The following TANC1 variants were observed in gnomAD, a reference collection of about 807,000 sequenced individuals.
TANC1 encodes tetratricopeptide repeat, ankyrin repeat and coiled-coil containing 1.
A neutral mutation model predicts 149.7 loss-of-function variants in TANC1; 77 were observed. The ratio of observed to expected loss-of-function variants is 0.51; its 90% CI spans 0.43 to 0.62. TANC1 has a LOEUF of 0.62. TANC1 is among the 20% of genes least tolerant of loss of function. The probability of loss-of-function intolerance (pLI) is 0.00; values close to 1 mark genes in which losing one functional copy is unlikely to be tolerated. For synonymous variants in TANC1, 854 were observed against 925.0 expected, an observed-to-expected ratio of 0.92 and a Z score of 1.39; for missense variants, 1,985 against 2,321.8, an observed-to-expected ratio of 0.85 and a Z score of 2.98.
chr2:159,227,368 T>C (rs1003684199), intron 24 of TANC1: 9 of 156,532 alleles, frequency 5.7e-5, no homozygotes, highest in African/African-American at 1.9e-4. Flanking sequence ...GAAGAAAAAT[T>C]ATTATTCTGC....
At chr2:159,103,039 ATTT>A (rs1248720246) in intron 4 of TANC1, among the ~76,000 whole-genome samples, 1 of 95,414 alleles carries the variant, frequency 1.0e-5, no homozygotes, top group East Asian at 2.3e-4. Context: ...TTTTAAAAAA[ATTT>A]TTAGCATGTT....
chr2:159,168,389 T>C (rs1259644912), intron 8 of TANC1, among the ~76,000 whole-genome samples: 1 of 148,760 alleles, frequency 6.7e-6, no homozygotes, highest in African/African-American at 2.5e-5. Flanking sequence ...AACCTCTGCC[T>C]CCCAGGTTTA....
intron 2 of TANC1, among the ~76,000 whole-genome samples, chr2:159,035,622 T>A (rs1006187612): frequency 6.6e-6 from 1 of 152,206 alleles, no homozygotes; most frequent in African/African-American, 2.4e-5. Context: ...TTGACCTTCC[T>A]TTTTCCTTTC....
intron 9 of TANC1, among the ~76,000 whole-genome samples, 181 bp downstream of exon 9, chr2:159,169,553 C>T (rs1460762420): frequency 1.3e-5 from 2 of 152,068 alleles, no homozygotes; most frequent in Non-Finnish European, 2.9e-5. Flanking sequence ...GGGGCTTCTT[C>T]CTTTAAAATA....
intron 4 of TANC1, among the ~76,000 whole-genome samples, chr2:159,112,308 G>A (rs1327923379): frequency 6.6e-6 from 1 of 152,046 alleles, no homozygotes; most frequent in East Asian, 1.9e-4. Flanking sequence ...GTGCCGTGGT[G>A]TGATCTCATC....
intron 19 of TANC1, among the ~76,000 whole-genome samples, chr2:159,210,731 C>G (rs1477765992): frequency 6.6e-6 from 1 of 152,066 alleles, no homozygotes. Flanking sequence ...TCACGCCCAG[C>G]TAATTTTTGT....
chr2:158,996,400 T>C (rs1275565166), intron 1 of TANC1, among the ~76,000 whole-genome samples: 1 of 152,260 alleles, frequency 6.6e-6, no homozygotes, highest in Admixed American at 6.5e-5. Context: ...TTAACTGTTT[T>C]TCTTTTCACA....
chr2:159,042,671 G>T (rs55940729), intron 2 of TANC1, among the ~76,000 whole-genome samples: 12 of 152,168 alleles, frequency 7.9e-5, no homozygotes, highest in Non-Finnish European at 1.5e-4. Context: ...TTCCGTGGGG[G>T]GTGGTGTGGG....
At chr2:159,168,298 A>ATTTT (rs2054815786) in intron 8 of TANC1, among the ~76,000 whole-genome samples, 1 of 83,450 alleles carries the variant, frequency 1.2e-5, no homozygotes, top group Non-Finnish European at 2.8e-5. Context: ...ATAGATCTTT[A>ATTTT]ATTTTTTTTT....
At position 159,230,347 on chromosome 2, in the gene TANC1, G is replaced by A; in HGVS notation, c.4921G>A (p.Ala1641Thr). Reference protein sequence around the residue: ...LSHSSVAVDAAPPNQGGLATC... With the variant: ...LSHSSVAVDATPPNQGGLATC... ...TCATTCCTCCGTGGCTGTGGACGCA[G>A]CCCCTCCAAACCAAGGTGGGCTGGC... Residue 1641 changes from alanine (A) to threonine (T), a missense_variant, in exon 27 of 27, where the codon GCC becomes ACC. Transcript: ENST00000263635. The surrounding 1 kb of genome is among the most constrained non-coding windows in gnomAD (Gnocchi z 4.4). 6.2e-7 allele frequency: 1 copy of A among 1,614,094 alleles called. No homozygotes were observed. The highest frequency in any genetic ancestry group is 8.5e-7 in the Non-Finnish European group (1 of 1,180,020).
At chr2:159,142,793 A>G (rs11684228) in intron 5 of TANC1, among the ~76,000 whole-genome samples, 36,628 of 151,450 alleles carry the variant, frequency 0.24, 5,415 homozygotes, top group Non-Finnish European at 0.35. Context: ...GCCAGGCACG[A>G]TGGCTGACAC....
At chr2:159,116,592 C>T (rs67674876) in intron 4 of TANC1, among the ~76,000 whole-genome samples, 37,622 of 152,060 alleles carry the variant, frequency 0.25, 5,807 homozygotes, top group Non-Finnish European at 0.36. Context: ...GTCCCTGTTG[C>T]GACTATGTAA....
intron 21 of TANC1, 157 bp from the exon 22 acceptor site, chr2:159,219,535 C>T (rs186466757): frequency 1.6e-6 from 2 of 1,235,220 alleles, no homozygotes; most frequent in Non-Finnish European, 2.3e-6. Flanking sequence ...TCTTCAGCAG[C>T]GATGACCATT....
intron 8 of TANC1, among the ~76,000 whole-genome samples, chr2:159,164,271 G>C (rs190371218): frequency 2.6e-5 from 4 of 152,118 alleles, no homozygotes; most frequent in South Asian, 2.1e-4. Flanking sequence ...GAAAAAAATC[G>C]ATAAAAAATA....
At chr2:159,122,767 T>C (rs1270661481) in intron 4 of TANC1, among the ~76,000 whole-genome samples, 3 of 28,264 alleles carry the variant, frequency 1.1e-4, no homozygotes, top group Non-Finnish European at 4.4e-4. Flanking sequence ...TTTTTTCTTC[T>C]TTTTTTTTTT....
intron 4 of TANC1, among the ~76,000 whole-genome samples, chr2:159,107,986 T>C (rs2047356057): frequency 6.6e-6 from 1 of 152,204 alleles, no homozygotes; most frequent in African/African-American, 2.4e-5. Context: ...CAATTGTATC[T>C]TCAGAATCCA....
intron 19 of TANC1, among the ~76,000 whole-genome samples, chr2:159,207,489 C>T (rs1047530595): frequency 2.6e-5 from 4 of 152,090 alleles, no homozygotes; most frequent in Admixed American, 1.3e-4. Context: ...ATCACGAGGT[C>T]AGGAGTTCAA....
chr2:158,982,357 A>G (rs568348501), intron 1 of TANC1, among the ~76,000 whole-genome samples: 3 of 152,340 alleles, frequency 2.0e-5, no homozygotes, highest in African/African-American at 7.2e-5. Flanking sequence ...CATATAGGAT[A>G]TGGTAAAAAG....
At chr2:159,059,522 T>TATA (rs1553532724) in intron 2 of TANC1, among the ~76,000 whole-genome samples, 13 of 147,630 alleles carry the variant, frequency 8.8e-5, no homozygotes, top group Non-Finnish European at 1.7e-4. Flanking sequence ...ACCAAATATA[T>TATA]AAAAAAAAAA....
Sources: gnomAD v4.1 joint callset for allele counts (sites outside exome capture counted in the v4.1 genomes callset) on GRCh38, gnomAD v4.1.1 for gene constraint, Gnocchi (gnomAD v3.1) non-coding constraint, MANE v1.5 for transcripts, NCBI Gene and HGNC (gene_info 2026-07-23, HGNC 2026-07-21) for gene names.